Variants in LDAH observed in about 807,000 individuals in gnomAD.
The protein encoded by LDAH is lipid droplet-associated hydrolase.
LDAH carries 26 observed loss-of-function variants against 29.6 expected under a neutral mutation model. The ratio of observed to expected loss-of-function variants is 0.88; its 90% confidence interval spans 0.64 to 1.22. The LOEUF (loss-of-function observed/expected upper bound fraction) is 1.22. LDAH is among the 50% of genes most tolerant of loss of function. The probability of loss-of-function intolerance (pLI) is 0.00; values close to 1 mark genes in which losing one functional copy is unlikely to be tolerated. For missense variants in LDAH, 344 were observed against 387.3 expected (o/e 0.89, Z 0.94); for synonymous variants, 117 against 133.0 (o/e 0.88, Z 0.83).
In LDAH at chr2:20,774,912, G is replaced by A. The variant is rs753186049; in HGVS notation, c.366C>T (p.Phe122=). The change falls in exon 4 of 7, where the codon TTC becomes TTT. Residue 122 remains phenylalanine, a synonymous_variant. Coordinates refer to ENST00000237822, the MANE Select transcript of LDAH (RefSeq NM_021925.4). ...LNGQIEHKLA[F]LRTHVPKDMK... ...TGTCCTTTGGCACATGAGTTCTCAGGAAAGCTAGTTTGTGCTCTATTTGTC... is the reference window on the plus strand; with the variant it reads ...TGTCCTTTGGCACATGAGTTCTCAGAAAAGCTAGTTTGTGCTCTATTTGTC... 1.2e-6 allele frequency: 2 copies of A among 1,613,678 alleles called. No homozygotes were observed. The highest frequency in any genetic ancestry group is 1.7e-6 in the Non-Finnish European group (2 of 1,179,940).
chr2:20,776,229 GT>G (rs578158818), intron 3 of LDAH, among the ~76,000 whole-genome samples: 32 of 151,670 alleles, frequency 2.1e-4, no homozygotes, highest in Non-Finnish European at 4.3e-4. Context: ...TTTGTATATG[GT>G]TTTTTTTGTG....
At chr2:20,693,796 C>T (rs545864972) in intron 6 of LDAH, among the ~76,000 whole-genome samples, 3 of 152,352 alleles carry the variant, frequency 2.0e-5, no homozygotes, top group South Asian at 4.1e-4. Context: ...ATGCCCACCG[C>T]TTTTCTGAGC....
At chr2:20,818,836 C>T (rs1325587938) in intron 1 of LDAH, among the ~76,000 whole-genome samples, 1 of 151,950 alleles carries the variant, frequency 6.6e-6, no homozygotes, top group Non-Finnish European at 1.5e-5. Context: ...GGAGAAAGTC[C>T]AAGTGGTAAT....
Position 20,813,476 on chromosome 2 carries a change from T to C in LDAH, c.-3+9561A>G, listed in dbSNP as rs372464068. Among the ~76,000 whole-genome samples, 3 of 152,346 alleles carry C rather than the reference T, an allele frequency of 2.0e-5. No homozygotes were observed. In the East Asian group the frequency reaches 5.8e-4, roughly 29 times the overall value. On this transcript the variant is annotated intron_variant, in intron 1 of 6. Coordinates refer to ENST00000237822, the MANE Select transcript of LDAH (RefSeq NM_021925.4). ...TAATGTGGATATACCATAAGTTATA[T>C]GACCATCTCCCTGGTGCCAAGCACT...
At chr2:20,817,032 A>G (rs1249355785) in intron 1 of LDAH, among the ~76,000 whole-genome samples, 1 of 152,162 alleles carries the variant, frequency 6.6e-6, no homozygotes, top group East Asian at 1.9e-4. Flanking sequence ...ATGAAAATAC[A>G]AGACAGCAAA....
chr2:20,792,905 A>C (rs536904795), intron 2 of LDAH, among the ~76,000 whole-genome samples: 1 of 152,290 alleles, frequency 6.6e-6, no homozygotes, highest in African/African-American at 2.4e-5. Flanking sequence ...TGTATCCCAG[A>C]ACTTAACATA....
intron 5 of LDAH, among the ~76,000 whole-genome samples, chr2:20,736,124 T>C (rs894873009): frequency 6.6e-6 from 1 of 152,152 alleles, no homozygotes; most frequent in Non-Finnish European, 1.5e-5. Flanking sequence ...GCAGTTACTG[T>C]CTAAATGTTT....
chr2:20,702,958 C>A (rs1664053818), intron 5 of LDAH, among the ~76,000 whole-genome samples: 1 of 152,206 alleles, frequency 6.6e-6, no homozygotes. Flanking sequence ...TCCAGAGTAG[C>A]TGGGATTACA....
chr2:20,819,662 G>T (rs961693820), intron 1 of LDAH, among the ~76,000 whole-genome samples: 1 of 152,120 alleles, frequency 6.6e-6, no homozygotes, highest in Non-Finnish European at 1.5e-5. Context: ...ATATCATACT[G>T]AATGGGCAAA....
At chr2:20,801,764 T>C (rs1253935296) in intron 1 of LDAH, among the ~76,000 whole-genome samples, 5 of 152,126 alleles carry the variant, frequency 3.3e-5, no homozygotes, top group Non-Finnish European at 7.4e-5. Flanking sequence ...GAATTCTCTT[T>C]TAGCTCTGTG....
chr2:20,796,876 CAGT>C (rs1178466658), intron 2 of LDAH, among the ~76,000 whole-genome samples: 2 of 152,188 alleles, frequency 1.3e-5, no homozygotes, highest in Admixed American at 6.5e-5. Context: ...ACAGAAAAAA[CAGT>C]AGTCAGGAAG....
At chr2:20,763,199 A>G (rs1668808489) in intron 4 of LDAH, among the ~76,000 whole-genome samples, 2 of 152,232 alleles carry the variant, frequency 1.3e-5, no homozygotes, top group East Asian at 3.8e-4. Context: ...ATAGGTGGAA[A>G]GAACTAGAGC....
intron 1 of LDAH, among the ~76,000 whole-genome samples, chr2:20,818,825 A>G (rs1203190666): frequency 1.3e-5 from 2 of 152,188 alleles, no homozygotes; most frequent in Non-Finnish European, 2.9e-5. Context: ...AAAATACTGT[A>G]GGAGAAAGTC....
chr2:20,820,660 C>T (rs1673205029), intron 1 of LDAH, among the ~76,000 whole-genome samples: 1 of 147,230 alleles, frequency 6.8e-6, no homozygotes, highest in Admixed American at 6.8e-5. Context: ...ACCATAAAAA[C>T]CCTAGAAGAA....
chr2:20,739,810 TTCTATTTCTAATTTTA>T (rs1667045416), intron 5 of LDAH, among the ~76,000 whole-genome samples, 145 bp downstream of exon 5: 1 of 152,214 alleles, frequency 6.6e-6, no homozygotes, highest in Admixed American at 6.5e-5. Flanking sequence ...AAAAAATTCA[TTCTATTTCTAATTTTA>T]TTTATTTCTA....
chr2:20,738,169 T>C (rs1384890861), intron 5 of LDAH, among the ~76,000 whole-genome samples: 1 of 151,428 alleles, frequency 6.6e-6, no homozygotes, highest in African/African-American at 2.4e-5. Context: ...GGAGAATCAC[T>C]TGAACCTGGG....
At chr2:20,750,023 CT>C (rs147397062) in intron 4 of LDAH, among the ~76,000 whole-genome samples, 10,061 of 127,004 alleles carry the variant, frequency 0.079, 306 homozygotes, top group East Asian at 0.13. Context: ...CCTTACTAAA[CT>C]TTTTTTTTTT....
At position 20,795,504 on chromosome 2, in the gene LDAH, G is replaced by C. The variant is rs372670462; in HGVS notation, c.155-5106C>G. Among the ~76,000 whole-genome samples, 6 of 152,246 alleles carry C rather than the reference G, an allele frequency of 3.9e-5. No homozygotes were observed. In the East Asian group the frequency reaches 7.7e-4, roughly 20 times the overall value. On this transcript the variant is annotated intron_variant, in intron 2 of 6. Coordinates refer to ENST00000237822, the MANE Select transcript of LDAH (RefSeq NM_021925.4). ...TATGATTCAGTGTACTCTATGGTGA[G>C]TTCTCAATCTGATTCCCTTTGTTCA...
At chr2:20,770,261 A>G (rs1320946882) in intron 4 of LDAH, among the ~76,000 whole-genome samples, 1 of 152,298 alleles carries the variant, frequency 6.6e-6, no homozygotes, top group Middle Eastern at 3.4e-3. Flanking sequence ...GAGAGAAGAC[A>G]TTTTTGCTAA....
Sources: allele counts gnomAD v4.1 joint callset (sites outside exome capture counted in the v4.1 genomes callset), GRCh38; gene constraint gnomAD v4.1.1; transcripts MANE v1.5; gene names NCBI Gene and HGNC (gene_info 2026-07-23, HGNC 2026-07-21).